Variants in MDGA2 observed in about 807,000 individuals in gnomAD.
MDGA2 encodes MAM domain-containing glycosylphosphatidylinositol anchor protein 2.
In MDGA2, 40 loss-of-function variants were observed where a neutral mutation model predicts 117.8. That is an observed-to-expected ratio of 0.34 (90% CI 0.26 to 0.44). MDGA2 has a LOEUF of 0.44. Among genes scored for constraint, MDGA2 ranks in the 20% least tolerant of loss-of-function variants. The pLI is 1.00. For missense variants in MDGA2, 1,123 were observed against 1,250.6 expected (o/e 0.90, Z 1.54); for synonymous variants, 452 against 439.0 (o/e 1.03, Z -0.37).
At chr14:47,068,604 C>T (rs1051432339) in intron 6 of MDGA2, among the ~76,000 whole-genome samples, 3 of 151,840 alleles carry the variant, frequency 2.0e-5, no homozygotes, top group African/African-American at 7.3e-5. Context: ...GTATTTTGAG[C>T]TCACCTTTTC....
intron 9 of MDGA2, among the ~76,000 whole-genome samples, chr14:46,952,809 G>A (rs1439827422): frequency 6.6e-6 from 1 of 151,854 alleles, no homozygotes; most frequent in African/African-American, 2.4e-5. Context: ...ATTGAATTTG[G>A]AATAACTGGT....
chr14:47,591,564 C>G (rs183815357), intron 1 of MDGA2, among the ~76,000 whole-genome samples: 5 of 152,178 alleles, frequency 3.3e-5, no homozygotes, highest in Admixed American at 2.0e-4. Context: ...ACTGGCAAAC[C>G]GAATCCAGCA....
intron 2 of MDGA2, among the ~76,000 whole-genome samples, chr14:47,292,266 T>C (rs911370796): frequency 6.6e-6 from 1 of 152,204 alleles, no homozygotes; most frequent in Non-Finnish European, 1.5e-5. Flanking sequence ...GATGATTTCA[T>C]ACATCGGTTT....
At chr14:46,885,116 G>A (rs2138400215) in intron 10 of MDGA2, among the ~76,000 whole-genome samples, 1 of 151,904 alleles carries the variant, frequency 6.6e-6, no homozygotes, top group East Asian at 1.9e-4. Context: ...TGAAGTGCTG[G>A]GATTACAGGC....
chr14:47,072,400 T>C (rs540571931), intron 6 of MDGA2, among the ~76,000 whole-genome samples: 1 of 152,322 alleles, frequency 6.6e-6, no homozygotes, highest in East Asian at 1.9e-4. Context: ...TGGATATAAG[T>C]CAGTCTAATG....
intron 3 of MDGA2, among the ~76,000 whole-genome samples, chr14:47,144,815 A>ATTTTTTTTTTTTTTTTTTTTT (rs60842690): frequency 2.3e-5 from 3 of 130,456 alleles, no homozygotes; most frequent in Non-Finnish European, 1.6e-5. Context: ...TGCCCGGCTA[A>ATTTTTTTTTTTTTTTTTTTTT]TTTTTTTTTT....
intron 1 of MDGA2, among the ~76,000 whole-genome samples, chr14:47,336,402 G>A (rs1367899570): frequency 6.6e-6 from 1 of 151,800 alleles, no homozygotes; most frequent in Non-Finnish European, 1.5e-5. Flanking sequence ...ATGGAGACTG[G>A]CATTAAGGAG....
At chr14:47,304,836 G>A (rs919906006) in intron 1 of MDGA2, among the ~76,000 whole-genome samples, 1 of 152,084 alleles carries the variant, frequency 6.6e-6, no homozygotes, top group African/African-American at 2.4e-5. Context: ...AGAACCCTGA[G>A]ATTTTAAGTG....
rs375008287 is a variant in MDGA2, at chr14:46,882,144, G to A, written c.2316C>T (p.Asn772=). Residue 772 remains asparagine, a synonymous_variant, in exon 11 of 17, where the codon AAC becomes AAT. Coordinates refer to ENST00000399232, the MANE Select transcript of MDGA2 (RefSeq NM_001113498.3). ...NIQKGELITY[N]LTELIKPEAY... ...CTTCTGGTTTAATTAGCTCTGTCAA[G>A]TTATATGTAATTAATTCTCCCTTTT... 6.2e-7 allele frequency: 1 copy of A among 1,612,430 alleles called. No individual in the cohort carries two copies. The highest frequency in any genetic ancestry group is 2.2e-5 in the East Asian group (1 of 44,754).
intron 1 of MDGA2, among the ~76,000 whole-genome samples, chr14:47,433,486 TAATC>T (rs760829331): frequency 3.0e-4 from 45 of 152,136 alleles, no homozygotes; most frequent in Non-Finnish European, 2.2e-4. Context: ...CCCTATAAAA[TAATC>T]GAGATGACTA....
At chr14:47,141,956 C>G (rs1218814552) in intron 4 of MDGA2, among the ~76,000 whole-genome samples, 1 of 152,038 alleles carries the variant, frequency 6.6e-6, no homozygotes, top group East Asian at 1.9e-4. Context: ...AATGTGTAGA[C>G]ATGTATCAAA....
intron 1 of MDGA2, among the ~76,000 whole-genome samples, chr14:47,417,109 T>A (rs185135389): frequency 3.7e-4 from 57 of 152,324 alleles, no homozygotes; most frequent in African/African-American, 1.3e-3. Context: ...TTCGTATTAA[T>A]CTTATCTGTG....
intron 6 of MDGA2, among the ~76,000 whole-genome samples, chr14:47,095,530 G>A (rs1156566046): frequency 4.0e-5 from 6 of 151,816 alleles, no homozygotes; most frequent in African/African-American, 1.5e-4. Flanking sequence ...AAATTTAGAA[G>A]AGCTTTTTCA....
intron 1 of MDGA2, among the ~76,000 whole-genome samples, chr14:47,456,294 C>CGT (rs1555323929): frequency 4.3e-5 from 6 of 140,648 alleles, no homozygotes; most frequent in Non-Finnish European, 7.7e-5. Context: ...AATTGTTTAC[C>CGT]TTTTTTTTTT....
chr14:46,900,016 C>T (rs977610896), intron 10 of MDGA2, among the ~76,000 whole-genome samples: 7 of 151,924 alleles, frequency 4.6e-5, no homozygotes, highest in African/African-American at 1.2e-4. Context: ...TACAATGGTA[C>T]AATTTTCTAG....
rs528037554 is a variant in MDGA2, at chr14:47,672,836, C to G, written c.280+1681G>C. 2.9e-4 allele frequency among the ~76,000 whole-genome samples: 44 copies of G among 152,222 alleles called. 1 individual carries two copies. The highest frequency in any genetic ancestry group is 1.1e-3 in the African/African-American group (44 of 41,534). On this transcript the variant is annotated intron_variant, in intron 1 of 16. Transcript: ENST00000399232. ...TTTTTCTCAGCTGTTCAGAGGGCAC[C>G]GGGGTCCAGGATAGTCACAAGAGCA...
At chr14:47,095,532 G>T (rs1386934107) in intron 6 of MDGA2, among the ~76,000 whole-genome samples, 1 of 151,662 alleles carries the variant, frequency 6.6e-6, no homozygotes, top group Admixed American at 6.6e-5. Context: ...ATTTAGAAGA[G>T]CTTTTTCAAT....
At chr14:46,947,606 T>C (rs1885218968) in intron 9 of MDGA2, among the ~76,000 whole-genome samples, 1 of 151,962 alleles carries the variant, frequency 6.6e-6, no homozygotes, top group Non-Finnish European at 1.5e-5. Flanking sequence ...CGGATGGTTT[T>C]AAAAAAGAGG....
intron 1 of MDGA2, among the ~76,000 whole-genome samples, chr14:47,609,428 C>CATATATATATATATAGAT (rs1555336022): frequency 5.7e-5 from 1 of 17,558 alleles, no homozygotes; most frequent in African/African-American, 1.2e-4. Flanking sequence ...AGTATTCCAT[C>CATATATATATATATAGAT]ATATATATAT....
Sources: gnomAD v4.1 joint callset for allele counts (sites outside exome capture counted in the v4.1 genomes callset) on GRCh38, gnomAD v4.1.1 for gene constraint, MANE v1.5 for transcripts, NCBI Gene and HGNC (gene_info 2026-07-23, HGNC 2026-07-21) for gene names.